The following ZNF704 variants were observed in gnomAD, a reference collection of about 807,000 sequenced individuals.
ZNF704 encodes the protein glucocorticoid induced gene 1.
In ZNF704, 10 loss-of-function variants were observed where a neutral mutation model predicts 44.7. That is an observed-to-expected ratio of 0.22 (90% CI 0.14 to 0.38). The LOEUF (loss-of-function observed/expected upper bound fraction) is 0.38. ZNF704 is among the 10% of genes least tolerant of loss of function. The probability of loss-of-function intolerance (pLI) is 1.00; values close to 1 mark genes in which losing one functional copy is unlikely to be tolerated. For missense variants in ZNF704, 390 were observed against 545.5 expected, an observed-to-expected ratio of 0.71 and a Z score of 2.84; for synonymous variants, 211 against 207.6, an observed-to-expected ratio of 1.02 and a Z score of -0.14.
intron 2 of ZNF704, among the ~76,000 whole-genome samples, chr8:80,702,603 G>C (rs1481444082): frequency 6.6e-6 from 1 of 152,110 alleles, no homozygotes; most frequent in African/African-American, 2.4e-5. Flanking sequence ...GAAGGTTGGA[G>C]GGAAAAGATG....
At chr8:80,648,551 C>T (rs1805645712) in intron 7 of ZNF704, among the ~76,000 whole-genome samples, 1 of 152,154 alleles carries the variant, frequency 6.6e-6, no homozygotes, top group African/African-American at 2.4e-5. Flanking sequence ...TATCTATTAT[C>T]TCTTTTAATT....
At chr8:80,667,946 T>C (rs761343806) in intron 5 of ZNF704, among the ~76,000 whole-genome samples, 1 of 152,164 alleles carries the variant, frequency 6.6e-6, no homozygotes, top group Non-Finnish European at 1.5e-5. Flanking sequence ...TCTTACACAA[T>C]ATAAACACTA....
chr8:80,706,483 C>T (rs1818901132), intron 2 of ZNF704, among the ~76,000 whole-genome samples: 1 of 152,160 alleles, frequency 6.6e-6, no homozygotes. Flanking sequence ...ACAGTTGTAG[C>T]TATTTTACCT....
rs972318226 is a variant in ZNF704, at chr8:80,628,909, C to G, written c.*12457G>C. 6.6e-6 allele frequency: 1 copy of G among 152,206 alleles called. No homozygotes were observed. Among genetic ancestry groups the G allele is most frequent in the African/African-American group, 2.4e-5 (1 of 41,460 alleles). The allele number at this position is 152,206 out of a possible 1,614,324, so 9.4% of individuals were successfully genotyped here. A position where few individuals can be genotyped will look rare whatever the true frequency, so the allele number is the denominator to read the frequency against. ...GATGCCCATTTCAAGTAGATGCCAG[C>G]TGTCCCCTTGGGAAAGTGCAGTTTA... On this transcript the variant is annotated 3_prime_UTR_variant, in exon 9 of 9. Coordinates refer to ENST00000327835, the MANE Select transcript of ZNF704 (RefSeq NM_001033723.3).
intron 2 of ZNF704, among the ~76,000 whole-genome samples, chr8:80,799,040 T>C (rs999971984): frequency 2.0e-5 from 3 of 152,206 alleles, no homozygotes; most frequent in African/African-American, 7.2e-5. Context: ...GTCCCACTCC[T>C]GTGATAAACT....
chr8:80,671,913 C>T (rs1345390015), intron 4 of ZNF704, among the ~76,000 whole-genome samples: 1 of 152,156 alleles, frequency 6.6e-6, no homozygotes, highest in African/African-American at 2.4e-5. Flanking sequence ...GCAAAACCAC[C>T]AGATCAGAGT....
chr8:80,737,095 T>G (rs1350982493), intron 2 of ZNF704, among the ~76,000 whole-genome samples: 1 of 152,238 alleles, frequency 6.6e-6, no homozygotes, highest in Admixed American at 6.5e-5. Flanking sequence ...ATTCATTGCA[T>G]ACCTATATAC....
At chr8:80,701,746 CA>C (rs1287041690) in intron 2 of ZNF704, among the ~76,000 whole-genome samples, 1 of 152,146 alleles carries the variant, frequency 6.6e-6, no homozygotes, top group African/African-American at 2.4e-5. Flanking sequence ...GTAGAGAGAT[CA>C]AGCCAGATGA....
At chr8:80,643,556 G>GAAAT (rs1315900334) in intron 7 of ZNF704, among the ~76,000 whole-genome samples, 1 of 135,282 alleles carries the variant, frequency 7.4e-6, no homozygotes, top group Non-Finnish European at 1.6e-5. Flanking sequence ...AAGCAGAGAT[G>GAAAT]AAATGAAATA....
rs1407006091 is a variant in ZNF704 at position 80,874,221 on chromosome 8, G to A, written c.-22+350C>T. ...CTGCAGAGGCGCGGGCGCCGCCTTC[G>A]CTGGACCGGCCGGCGGGGACGCCGG... On this transcript the variant is annotated intron_variant, in intron 1 of 8. Transcript: ENST00000327835. This position sits in a 1 kb window ranked among gnomAD's most constrained non-coding sequence, Gnocchi z 4.4. Among the ~76,000 whole-genome samples, 1 of 145,810 alleles carries A rather than the reference G, an allele frequency of 6.9e-6. No individual in the cohort carries two copies. The highest frequency in any genetic ancestry group is 2.5e-5 in the African/African-American group (1 of 40,676).
intron 2 of ZNF704, among the ~76,000 whole-genome samples, chr8:80,725,498 G>A (rs1268318773): frequency 1.3e-5 from 2 of 152,096 alleles, no homozygotes; most frequent in Non-Finnish European, 2.9e-5. Context: ...AAAACACAAA[G>A]ATTATGCCAA....
rs1817646800 is a variant in ZNF704 at position 80,635,126 on chromosome 8, G to A, written c.*6240C>T. ...TGCTTTTGATGTTATCTGCATACTT[G>A]GCTAATTAGGCTAGCTTTTGGATTA... On this transcript the variant is annotated 3_prime_UTR_variant, in exon 9 of 9. Coordinates refer to ENST00000327835, the MANE Select transcript of ZNF704 (RefSeq NM_001033723.3). 1 of 152,112 alleles carries A rather than the reference G, an allele frequency of 6.6e-6. No homozygotes were observed. Among genetic ancestry groups the A allele is most frequent in the Non-Finnish European group, 1.5e-5 (1 of 68,030 alleles). 9.4% of individuals were successfully genotyped at this position (152,112 alleles called of 1,614,324 possible).
rs1331763215 is a variant in ZNF704, at chr8:80,874,756, C to G, written c.-207G>C. 2.0e-5 allele frequency: 3 copies of G among 152,208 alleles called. No homozygotes were observed. Among genetic ancestry groups the G allele is most frequent in the Non-Finnish European group, 4.4e-5 (3 of 68,036 alleles). 9.4% of individuals were successfully genotyped at this position (152,208 alleles called of 1,614,324 possible). On this transcript the variant is annotated 5_prime_UTR_variant, in exon 1 of 9. The change abolishes an upstream ATG in the 5' untranslated region. Transcript: ENST00000327835. This position sits in a 1 kb window ranked among gnomAD's most constrained non-coding sequence, Gnocchi z 4.4. ...AGTCATTTTAATGGACACTGATGTG[C>G]ATGGCAGCTACTCCTGAGCTTGTGT...
intron 2 of ZNF704, among the ~76,000 whole-genome samples, chr8:80,718,861 C>T (rs1447638929): frequency 6.6e-6 from 1 of 152,198 alleles, no homozygotes; most frequent in Non-Finnish European, 1.5e-5. Context: ...CACATCTATT[C>T]CTCTTCCCCA....
chr8:80,693,101 A>G lies in ZNF704; in HGVS notation c.228T>C (p.Ser76=), dbSNP rs370647205. 3.6e-5 allele frequency: 58 copies of G among 1,614,044 alleles called. No individual in the cohort carries two copies. Among genetic ancestry groups the G allele is most frequent in the Non-Finnish European group, 4.8e-5 (57 of 1,179,994 alleles). ...SNIDVPPARK[S]SEELDMDKVT... ...CCTTGTCCATGTCTAGTTCCTCTGA[A>G]GATTTCCTGTAAAACAGGAAGGGAC... The change falls in exon 3 of 9, where the codon TCT becomes TCC. Residue 76 remains serine, a synonymous_variant. Transcript: ENST00000327835.
intron 2 of ZNF704, among the ~76,000 whole-genome samples, chr8:80,704,338 T>C (rs1818861543): frequency 6.6e-6 from 1 of 152,222 alleles, no homozygotes; most frequent in Non-Finnish European, 1.5e-5. Flanking sequence ...AGTCTTAAAC[T>C]AACAGAAAGC....
Position 80,693,028 on chromosome 8 carries a change from G to T in ZNF704, c.301C>A (p.Arg101=). ...LTSLSTSPLV[R]SPPVRPNESL... ...CCGTTCGGCCGCACGGGAGGACTTC[G>T]AACCAAAGGGCTAGTCGACAAGCTG... The change falls in exon 3 of 9, where the codon CGA becomes AGA. Residue 101 remains arginine (R), a synonymous_variant. Transcript: ENST00000327835. 1 of 1,614,126 alleles carries T rather than the reference G, an allele frequency of 6.2e-7. No homozygotes were observed. The highest frequency in any genetic ancestry group is 8.5e-7 in the Non-Finnish European group (1 of 1,180,010).
chr8:80,873,158 G>C (rs1302675534), intron 1 of ZNF704, among the ~76,000 whole-genome samples: 3 of 152,114 alleles, frequency 2.0e-5, no homozygotes, highest in African/African-American at 7.2e-5. Flanking sequence ...CTTCCTTGGG[G>C]GAGAATAAAA....
intron 2 of ZNF704, among the ~76,000 whole-genome samples, chr8:80,703,167 C>T (rs1818839202): frequency 6.6e-6 from 1 of 152,164 alleles, no homozygotes; most frequent in African/African-American, 2.4e-5. Context: ...TGCGGGGCAA[C>T]TCTTCCAACT....
Sources: allele counts gnomAD v4.1 joint callset (sites outside exome capture counted in the v4.1 genomes callset), GRCh38; gene constraint gnomAD v4.1.1; non-coding constraint Gnocchi (gnomAD v3.1); transcripts MANE v1.5; gene names NCBI Gene and HGNC (gene_info 2026-07-23, HGNC 2026-07-21).